ADGRV1: variants seen among roughly 807,000 people sequenced by gnomAD.
ADGRV1 encodes adhesion G protein-coupled receptor V1.
A neutral mutation model predicts 596.2 loss-of-function variants in ADGRV1; 359 were observed. The ratio of observed to expected loss-of-function variants is 0.60; its 90% CI spans 0.55 to 0.66. The LOEUF (loss-of-function observed/expected upper bound fraction) is 0.66. ADGRV1 is among the 30% of genes least tolerant of loss of function. The pLI, the probability that ADGRV1 is intolerant of heterozygous loss-of-function variation, is 0.00. For missense variants in ADGRV1, 7,274 were observed against 7,575.6 expected (o/e 0.96, Z 1.48); for synonymous variants, 2,681 against 2,679.2 (o/e 1.00, Z -0.02).
chr5:91,031,125 G>T, intron 85 of ADGRV1: 2 of 1,354,116 alleles, frequency 1.5e-6, no homozygotes, highest in Non-Finnish European at 2.1e-6. Flanking sequence ...ACAAGTAAAA[G>T]AACAGAAACA....
At chr5:90,886,005 C>T (rs1770244462) in intron 83 of ADGRV1, among the ~76,000 whole-genome samples, 1 of 151,986 alleles carries the variant, frequency 6.6e-6, no homozygotes, top group African/African-American at 2.4e-5. Context: ...ATACTAATCC[C>T]GTGATGTCCT....
intron 77 of ADGRV1, among the ~76,000 whole-genome samples, chr5:90,838,267 ACAAT>A (rs1169486688): frequency 1.3e-5 from 2 of 151,546 alleles, no homozygotes; most frequent in East Asian, 3.9e-4. Context: ...ATTTTTTGAC[ACAAT>A]CAATCACTTC....
intron 11 of ADGRV1, among the ~76,000 whole-genome samples, chr5:90,641,223 C>T (rs554370337): frequency 7.2e-5 from 11 of 152,236 alleles, no homozygotes; most frequent in African/African-American, 2.6e-4. Context: ...AATTTTTACC[C>T]AATGTCTTTT....
intron 80 of ADGRV1, among the ~76,000 whole-genome samples, chr5:90,853,826 G>A (rs940955782): frequency 7.9e-5 from 12 of 152,150 alleles, no homozygotes; most frequent in Non-Finnish European, 1.0e-4. Flanking sequence ...AAGTCATCCA[G>A]TTAGAGTCAA....
chr5:90,651,510 C>A, intron 17 of ADGRV1, 94 bp from the exon 18 acceptor site: 1 of 1,097,182 alleles, frequency 9.1e-7, no homozygotes, highest in African/African-American at 1.6e-5. Flanking sequence ...CTGAAATTTT[C>A]AACTTAATTG....
chr5:90,591,187 T>G (rs1759455568), intron 1 of ADGRV1, among the ~76,000 whole-genome samples: 1 of 151,888 alleles, frequency 6.6e-6, no homozygotes. Flanking sequence ...AGGCCAGGAG[T>G]TCGAGACTAG....
intron 1 of ADGRV1, among the ~76,000 whole-genome samples, chr5:90,562,297 T>A (rs74361561): frequency 0.019 from 2,826 of 152,238 alleles, 83 homozygotes; most frequent in African/African-American, 0.065. Flanking sequence ...CCTCACATCG[T>A]ATGCCTAATT....
intron 1 of ADGRV1, among the ~76,000 whole-genome samples, chr5:90,564,355 T>C (rs1242192652): frequency 2.0e-5 from 3 of 152,206 alleles, no homozygotes; most frequent in Non-Finnish European, 4.4e-5. Context: ...TGGGACTTGA[T>C]TGGGACTTTG....
intron 83 of ADGRV1, among the ~76,000 whole-genome samples, chr5:90,937,675 T>C (rs1280142357): frequency 1.3e-5 from 2 of 152,194 alleles, no homozygotes; most frequent in Non-Finnish European, 2.9e-5. Context: ...GCCAGGTTGG[T>C]CTCGATCTTC....
chr5:90,625,111 A>G lies in ADGRV1; in HGVS notation c.559-19A>G, dbSNP rs373287553. 8 of 1,465,430 alleles carry G rather than the reference A, an allele frequency of 5.5e-6. No individual in the cohort carries two copies. The African/African-American group carries it at 8.4e-5, about 15-fold the overall frequency. 90.8% of individuals were successfully genotyped at this position (1,465,430 alleles called of 1,614,324 possible). On this transcript the variant is annotated intron_variant, in intron 5 of 89. Coordinates refer to ENST00000405460, the MANE Select transcript of ADGRV1 (RefSeq NM_032119.4). The stretch of plus-strand genomic sequence containing the variant: ...GAAGTATTTTGCATTTATTGATGGC[A>G]TTTTGTGTTTCTTTGCAGGTAGAGG...
intron 89 of ADGRV1, among the ~76,000 whole-genome samples, chr5:91,158,403 C>T (rs1261967721): frequency 6.6e-6 from 1 of 152,082 alleles, no homozygotes; most frequent in East Asian, 1.9e-4. Context: ...TAATAGAAAA[C>T]CCTTAAAAAC....
At chr5:90,566,241 T>C (rs891827004) in intron 1 of ADGRV1, among the ~76,000 whole-genome samples, 4 of 152,210 alleles carry the variant, frequency 2.6e-5, no homozygotes, top group Non-Finnish European at 5.9e-5. Flanking sequence ...TGTTGCCTGA[T>C]ACAAGGTCAC....
chr5:90,795,803 C>T (rs1472684595), intron 70 of ADGRV1, among the ~76,000 whole-genome samples: 1 of 152,196 alleles, frequency 6.6e-6, no homozygotes, highest in Non-Finnish European at 1.5e-5. Context: ...GAGGAAAGAA[C>T]AGGCAGCAAT....
chr5:91,113,970 G>A (rs560403791), intron 87 of ADGRV1, among the ~76,000 whole-genome samples: 9 of 152,242 alleles, frequency 5.9e-5, no homozygotes, highest in African/African-American at 1.9e-4. Context: ...TGTAATCCCA[G>A]CACTTTGGGA....
At chr5:90,897,847 G>C (rs769647718) in intron 83 of ADGRV1, among the ~76,000 whole-genome samples, 40 of 152,152 alleles carry the variant, frequency 2.6e-4, no homozygotes, top group Non-Finnish European at 1.2e-4. Flanking sequence ...TAACAGCATA[G>C]GAGAGGGAAT....
At chr5:90,951,813 C>T (rs1468696151) in intron 83 of ADGRV1, among the ~76,000 whole-genome samples, 1 of 151,992 alleles carries the variant, frequency 6.6e-6, no homozygotes, top group Non-Finnish European at 1.5e-5. Flanking sequence ...AGATCCCTGC[C>T]CTCAAAGTGC....
intron 86 of ADGRV1, among the ~76,000 whole-genome samples, chr5:91,077,322 A>T (rs1272585851): frequency 6.6e-6 from 1 of 152,174 alleles, no homozygotes; most frequent in African/African-American, 2.4e-5. Context: ...ATTTCTGTAG[A>T]ACTGAGCTCC....
chr5:90,595,728 A>G (rs1270883825), intron 1 of ADGRV1, among the ~76,000 whole-genome samples: 1 of 105,678 alleles, frequency 9.5e-6, no homozygotes, highest in African/African-American at 3.8e-5. Context: ...ACTTCCCAGT[A>G]GGGGCGGCCG....
At chr5:90,974,496 A>G (rs192718892) in intron 84 of ADGRV1, among the ~76,000 whole-genome samples, 11,094 of 152,218 alleles carry the variant, frequency 0.073, 640 homozygotes, top group East Asian at 0.24. Flanking sequence ...TGGTACCAAA[A>G]CAGAGATATA....
Sources: allele counts gnomAD v4.1 joint callset (sites outside exome capture counted in the v4.1 genomes callset), GRCh38; gene constraint gnomAD v4.1.1; transcripts MANE v1.5; gene names NCBI Gene and HGNC (gene_info 2026-07-23, HGNC 2026-07-21).